Variants in TNFRSF10B observed in about 807,000 individuals in gnomAD.
TNFRSF10B encodes TNF receptor superfamily member 10b, also known as tumor necrosis factor receptor superfamily member 10B.
Under a neutral mutation model 41.4 loss-of-function variants are expected in TNFRSF10B, and 35 were observed. The ratio of observed to expected loss-of-function variants is 0.85; its 90% CI spans 0.65 to 1.12. The LOEUF (loss-of-function observed/expected upper bound fraction) is 1.12. TNFRSF10B is among the 50% of genes most tolerant of loss of function. The pLI, the probability that TNFRSF10B is intolerant of heterozygous loss-of-function variation, is 0.00. For missense variants in TNFRSF10B, 584 were observed against 552.7 expected (o/e 1.06, Z -0.57); for synonymous variants, 230 against 215.5 (o/e 1.07, Z -0.59).
intron 2 of TNFRSF10B, among the ~76,000 whole-genome samples, chr8:23,037,164 A>G (rs4268127): frequency 0.86 from 130,414 of 152,192 alleles, 56,330 homozygotes; most frequent in East Asian, 0.98. Context: ...CTGTTCTGTG[A>G]CTACCAGTCA....
chr8:23,059,796 G>T (rs930883797), intron 1 of TNFRSF10B, among the ~76,000 whole-genome samples: 3 of 152,298 alleles, frequency 2.0e-5, no homozygotes, highest in Non-Finnish European at 2.9e-5. Context: ...ACAGGCATGA[G>T]CCACCGCACC....
chr8:23,039,751 T>C (rs1240520768), intron 2 of TNFRSF10B, among the ~76,000 whole-genome samples: 2 of 152,148 alleles, frequency 1.3e-5, no homozygotes, highest in Non-Finnish European at 2.9e-5. Context: ...TGCAAGGATG[T>C]GATCTATGAC....
chr8:23,024,104 G>T, intron 8 of TNFRSF10B, 84 bp downstream of exon 8: 1 of 1,554,694 alleles, frequency 6.4e-7, no homozygotes, highest in Non-Finnish European at 8.9e-7. Context: ...CTCTGGAAGA[G>T]CCCTCTGACC....
intron 8 of TNFRSF10B, 122 bp downstream of exon 8, chr8:23,024,066 C>G: frequency 7.9e-7 from 1 of 1,271,720 alleles, no homozygotes; most frequent in South Asian, 1.2e-5. Context: ...GTCTATAGCA[C>G]AGGACCCACG....
At chr8:23,040,482 A>ATT (rs1312138539) in intron 2 of TNFRSF10B, among the ~76,000 whole-genome samples, 12 of 145,704 alleles carry the variant, frequency 8.2e-5, no homozygotes, top group East Asian at 3.9e-4. Flanking sequence ...ATATATATTT[A>ATT]AGAAAAACAG....
chr8:23,029,669 G>T lies in TNFRSF10B; in HGVS notation c.417C>A (p.Cys139Ter). 2 of 1,613,920 alleles carry T rather than the reference G, an allele frequency of 1.2e-6. No individual in the cohort carries two copies. The highest frequency in any genetic ancestry group is 1.7e-6 in the Non-Finnish European group (2 of 1,179,960). The change falls in exon 4 of 9, where the codon TGC becomes TGA. Residue 139 changes from cysteine (C) to a stop codon, truncating the protein, a stop_gained. Coordinates refer to ENST00000276431, the MANE Select transcript of TNFRSF10B (RefSeq NM_003842.5). LOFTEE classifies it high-confidence loss of function. ...CTTTRNTVCQ[C>*]EEGTFREEDS... ...CTTCTTCCCGGAAGGTGCCTTCTTCGCACTGACACACTGTGTTTCTGGTCG... is the reference window on the plus strand; with the variant it reads ...CTTCTTCCCGGAAGGTGCCTTCTTCTCACTGACACACTGTGTTTCTGGTCG...
chr8:23,029,763 T>TGTGTC (rs746897654), intron 3 of TNFRSF10B, 42 bp from the exon 4 acceptor site: 3 of 1,579,706 alleles, frequency 1.9e-6, no homozygotes, highest in Non-Finnish European at 1.7e-6. Context: ...GTTTTCCTGA[T>TGTGTC]GTGTCCCTTG....
intron 2 of TNFRSF10B, among the ~76,000 whole-genome samples, chr8:23,039,286 A>G (rs1030092185): frequency 2.0e-5 from 3 of 152,054 alleles, no homozygotes; most frequent in Non-Finnish European, 4.4e-5. Context: ...GTACTGGTCC[A>G]TGGCCTGGGG....
chr8:23,030,984 TCTC>T (rs1811867197), intron 2 of TNFRSF10B, 112 bp from the exon 3 acceptor site: 8 of 756,202 alleles, frequency 1.1e-5, no homozygotes, highest in Non-Finnish European at 1.6e-5. Context: ...AAGAGGGAAA[TCTC>T]CTCTACCTAG....
chr8:23,054,658 C>T (rs566925450), intron 1 of TNFRSF10B, among the ~76,000 whole-genome samples: 31 of 152,264 alleles, frequency 2.0e-4, no homozygotes, highest in South Asian at 8.3e-4. Flanking sequence ...TACATAGACC[C>T]TGTACAGGGT....
chr8:23,029,535 G>A (rs566716853), intron 4 of TNFRSF10B, 75 bp downstream of exon 4: 126 of 1,431,094 alleles, frequency 8.8e-5, no homozygotes, highest in African/African-American at 7.3e-4. Context: ...TGTCAGGGGA[G>A]AGACAGGGGT....
intron 1 of TNFRSF10B, among the ~76,000 whole-genome samples, chr8:23,065,370 G>A (rs1812953123): frequency 1.3e-5 from 2 of 152,198 alleles, no homozygotes; most frequent in South Asian, 4.1e-4. Flanking sequence ...AACTCCCAGA[G>A]GCCAAGTGCA....
intron 2 of TNFRSF10B, 137 bp from the exon 3 acceptor site, chr8:23,031,009 C>A: frequency 2.9e-6 from 2 of 686,802 alleles, no homozygotes; most frequent in Non-Finnish European, 5.3e-6. Flanking sequence ...TTGGTCAGTT[C>A]ATCAATTCTG....
At chr8:23,041,462 G>T (rs1223885046) in intron 2 of TNFRSF10B, among the ~76,000 whole-genome samples, 2 of 152,126 alleles carry the variant, frequency 1.3e-5, no homozygotes, top group Non-Finnish European at 2.9e-5. Context: ...AGCCCAAGTG[G>T]TTGAGGCTAC....
At chr8:23,039,722 C>T (rs566479341) in intron 2 of TNFRSF10B, among the ~76,000 whole-genome samples, 6 of 152,216 alleles carry the variant, frequency 3.9e-5, no homozygotes, top group Middle Eastern at 3.4e-3. Context: ...TTAAGATCGA[C>T]GTCAGTGGTC....
At position 23,028,401 on chromosome 8, in the gene TNFRSF10B, A is replaced by T. The variant is rs759582606; in HGVS notation, c.678T>A (p.Ile226=). 1 of 1,614,184 alleles carries T rather than the reference A, an allele frequency of 6.2e-7. No homozygotes were observed. Among genetic ancestry groups the T allele is most frequent in the Non-Finnish European group, 8.5e-7 (1 of 1,180,020 alleles). ...IGVTVAAVVL[I]VAVFVCKSLL... is the part of the protein sequence containing the mutation. ...AAGACTTGCAAACAAACACAGCCAC[A>T]ATCAAGACTACGGCTGCAACTGTGA... Residue 226 remains isoleucine (I), a synonymous_variant, in exon 5 of 9, where the codon ATT becomes ATA. Transcript: ENST00000276431.
chr8:23,062,728 T>C (rs1812867008), intron 1 of TNFRSF10B, among the ~76,000 whole-genome samples: 1 of 152,228 alleles, frequency 6.6e-6, no homozygotes, highest in Admixed American at 6.5e-5. Flanking sequence ...CTTTTCTGTC[T>C]GGTTTCTTTA....
chr8:23,068,868 CG>C lies in TNFRSF10B; in HGVS notation c.26del (p.Pro9ArgfsTer47), dbSNP rs1221733568. MEQRGQNA[P>X]AASGARKRHG... ...GCCTTTTCCGGGCCCCCGAAGCGGC[CG>C]GGGCGTTCTGTCCCCGTTGTTCCAT... On this transcript the variant is annotated frameshift_variant, in exon 1 of 9. Coordinates refer to ENST00000276431, the MANE Select transcript of TNFRSF10B (RefSeq NM_003842.5). LOFTEE classifies it high-confidence loss of function. 1 of 1,613,480 alleles carries C rather than the reference CG, an allele frequency of 6.2e-7. No homozygotes were observed. The highest frequency in any genetic ancestry group is 1.7e-5 in the Admixed American group (1 of 60,028).
rs141093234 is a variant in TNFRSF10B at position 23,020,355 on chromosome 8, A to C, written c.*2316T>G. The C allele has an allele frequency of 6.6e-6, 3 of 454,026 alleles. No homozygotes were observed. The highest frequency in any genetic ancestry group is 1.3e-5 in the Non-Finnish European group (3 of 226,762). 28.1% of individuals were successfully genotyped at this position (454,026 alleles called of 1,614,324 possible). On this transcript the variant is annotated 3_prime_UTR_variant, in exon 9 of 9. Transcript: ENST00000276431. ...GGATATAGCAAAGCCTAATGTAACT[A>C]AACAACAAAACCCCCAATTATTTCA...
Sources: allele counts gnomAD v4.1 joint callset (sites outside exome capture counted in the v4.1 genomes callset), GRCh38; gene constraint gnomAD v4.1.1; transcripts MANE v1.5; gene names NCBI Gene and HGNC (gene_info 2026-07-23, HGNC 2026-07-21).